TBC1D4: variants seen among roughly 807,000 people sequenced by gnomAD.
TBC1D4 encodes TBC1 domain family member 4, also known as TBC (Tre-2, BUB2, CDC16) domain-containing protein.
Under a neutral mutation model 142.5 loss-of-function variants are expected in TBC1D4, and 121 were observed. The ratio of observed to expected loss-of-function variants is 0.85; its 90% CI spans 0.73 to 0.99. The LOEUF (loss-of-function observed/expected upper bound fraction) is 0.99. Among genes scored for constraint, TBC1D4 ranks in the 50% least tolerant of loss-of-function variants. The probability of loss-of-function intolerance (pLI) is 0.00; values close to 1 mark genes in which losing one functional copy is unlikely to be tolerated. For missense variants in TBC1D4, 1,475 were observed against 1,606.6 expected, an observed-to-expected ratio of 0.92 and a Z score of 1.40; for synonymous variants, 630 against 628.2, an observed-to-expected ratio of 1.00 and a Z score of -0.04.
intron 1 of TBC1D4, among the ~76,000 whole-genome samples, chr13:75,400,353 A>T (rs56042637): frequency 0.053 from 8,119 of 152,086 alleles, 708 homozygotes; most frequent in African/African-American, 0.18. Flanking sequence ...TAGCTTCCTA[A>T]TATACCCATT....
chr13:75,315,810 G>A (rs559346974), intron 12 of TBC1D4, among the ~76,000 whole-genome samples: 2 of 152,284 alleles, frequency 1.3e-5, no homozygotes, highest in South Asian at 4.1e-4. Flanking sequence ...TTTATTGGGA[G>A]TCAAGTCCTA....
chr13:75,295,740 T>C (rs1252588041), intron 17 of TBC1D4, among the ~76,000 whole-genome samples: 1 of 152,240 alleles, frequency 6.6e-6, no homozygotes, highest in African/African-American at 2.4e-5. Context: ...ATATCTGTGA[T>C]ACTACAGATA....
At chr13:75,471,142 C>T (rs1888382149) in intron 1 of TBC1D4, among the ~76,000 whole-genome samples, 1 of 151,588 alleles carries the variant, frequency 6.6e-6, no homozygotes, top group African/African-American at 2.4e-5. Context: ...TTAAAATGAA[C>T]AATTTAATTT....
intron 1 of TBC1D4, among the ~76,000 whole-genome samples, chr13:75,409,355 T>C (rs892690276): frequency 5.3e-5 from 8 of 152,350 alleles, no homozygotes; most frequent in African/African-American, 1.7e-4. Flanking sequence ...TTTTAAATAC[T>C]GTATGCTCAC....
intron 5 of TBC1D4, among the ~76,000 whole-genome samples, chr13:75,347,476 A>T (rs1372281792): frequency 6.6e-6 from 1 of 152,202 alleles, no homozygotes; most frequent in East Asian, 1.9e-4. Flanking sequence ...CATAAAATCA[A>T]ATATGTCAGT....
At chr13:75,415,158 G>C (rs1885864806) in intron 1 of TBC1D4, among the ~76,000 whole-genome samples, 1 of 151,588 alleles carries the variant, frequency 6.6e-6, no homozygotes, top group Non-Finnish European at 1.5e-5. Flanking sequence ...TATGAGGTGT[G>C]AGGATAGGTC....
At chr13:75,353,823 T>G (rs1291930981) in intron 4 of TBC1D4, among the ~76,000 whole-genome samples, 1 of 152,176 alleles carries the variant, frequency 6.6e-6, no homozygotes, top group Non-Finnish European at 1.5e-5. Flanking sequence ...ACAGGCAGAT[T>G]CTTGAGGCTG....
At chr13:75,447,617 A>G (rs1887345795) in intron 1 of TBC1D4, among the ~76,000 whole-genome samples, 1 of 151,960 alleles carries the variant, frequency 6.6e-6, no homozygotes, top group Non-Finnish European at 1.5e-5. Flanking sequence ...ACATATATAA[A>G]AACAGTACTG....
chr13:75,466,332 T>G (rs1427264330), intron 1 of TBC1D4, among the ~76,000 whole-genome samples: 4 of 152,184 alleles, frequency 2.6e-5, no homozygotes, highest in African/African-American at 9.7e-5. Flanking sequence ...AGGATGGGAT[T>G]TTCCTGCATT....
At chr13:75,390,316 A>G (rs1884405112) in intron 1 of TBC1D4, among the ~76,000 whole-genome samples, 1 of 151,724 alleles carries the variant, frequency 6.6e-6, no homozygotes, top group African/African-American at 2.4e-5. Flanking sequence ...AAAGAAAAGA[A>G]GTCAGAACAG....
chr13:75,422,156 T>C (rs1163534295), intron 1 of TBC1D4, among the ~76,000 whole-genome samples: 1 of 152,204 alleles, frequency 6.6e-6, no homozygotes. Flanking sequence ...AAGAGGCTAA[T>C]AATGCTGACC....
chr13:75,405,253 T>C (rs1255618712), intron 1 of TBC1D4, among the ~76,000 whole-genome samples: 4 of 147,108 alleles, frequency 2.7e-5, no homozygotes, highest in Non-Finnish European at 5.9e-5. Flanking sequence ...TGTGTGTATA[T>C]ATACATGTAT....
chr13:75,442,131 T>C (rs116367426), intron 1 of TBC1D4, among the ~76,000 whole-genome samples: 3,001 of 152,224 alleles, frequency 0.02, 108 homozygotes, highest in African/African-American at 0.065. Flanking sequence ...CTCAATAATA[T>C]AGGGTAACCT....
intron 1 of TBC1D4, among the ~76,000 whole-genome samples, chr13:75,478,401 T>C (rs923748173): frequency 1.2e-4 from 19 of 152,290 alleles, no homozygotes; most frequent in South Asian, 4.2e-4. Flanking sequence ...ATTAAAGGAA[T>C]AGGCATGACA....
At chr13:75,437,099 TAA>T (rs1361135372) in intron 1 of TBC1D4, among the ~76,000 whole-genome samples, 1 of 152,212 alleles carries the variant, frequency 6.6e-6, no homozygotes, top group African/African-American at 2.4e-5. Flanking sequence ...AACTCCAGAT[TAA>T]GAGAGACTTA....
chr13:75,289,134 A>G (rs749069344), intron 19 of TBC1D4, 24 bp from the exon 20 acceptor site: 13 of 1,612,980 alleles, frequency 8.1e-6, no homozygotes, highest in Non-Finnish European at 1.0e-5. Flanking sequence ...ATCATGGGTT[A>G]GGCTAGCCTT....
intron 1 of TBC1D4, among the ~76,000 whole-genome samples, chr13:75,406,115 A>G (rs1885328182): frequency 6.6e-6 from 1 of 152,232 alleles, no homozygotes; most frequent in African/African-American, 2.4e-5. Flanking sequence ...GTTTAAAAGC[A>G]TCCAACTGTG....
intron 17 of TBC1D4, among the ~76,000 whole-genome samples, chr13:75,297,820 A>C (rs536395025): frequency 6.6e-6 from 1 of 152,196 alleles, no homozygotes; most frequent in Non-Finnish European, 1.5e-5. Flanking sequence ...AATAAAAAAT[A>C]AAACTTTCCA....
intron 7 of TBC1D4, among the ~76,000 whole-genome samples, chr13:75,338,430 T>G (rs1038985800): frequency 6.6e-6 from 1 of 152,134 alleles, no homozygotes; most frequent in Non-Finnish European, 1.5e-5. Flanking sequence ...AGCAAATATC[T>G]GACACATAGT....
Sources: allele counts gnomAD v4.1 joint callset (sites outside exome capture counted in the v4.1 genomes callset), GRCh38; gene constraint gnomAD v4.1.1; transcripts MANE v1.5; gene names NCBI Gene and HGNC (gene_info 2026-07-23, HGNC 2026-07-21).